NHSL1: variants seen among roughly 807,000 people sequenced by gnomAD.
NHSL1 encodes NHS-like protein 1.
A neutral mutation model predicts 95.0 loss-of-function variants in NHSL1; 48 were observed. That is an observed-to-expected ratio of 0.51 (90% CI 0.40 to 0.64). The LOEUF (loss-of-function observed/expected upper bound fraction) is 0.64, where lower values mean the gene tolerates loss of function less well. Ranked by LOEUF, NHSL1 falls within the 30% of genes least tolerant of loss-of-function variation. NHSL1 has a pLI of 0.00. For synonymous variants in NHSL1, 783 were observed against 833.9 expected, an observed-to-expected ratio of 0.94 and a Z score of 1.05; for missense variants, 1,971 against 2,077.7, an observed-to-expected ratio of 0.95 and a Z score of 1.00.
At chr6:138,512,272 T>C (rs962537964) in intron 1 of NHSL1, 22 of 455,562 alleles carry the variant, frequency 4.8e-5, no homozygotes, top group African/African-American at 4.2e-4. Flanking sequence ...TGAAGAGAGA[T>C]ACTCACCAAC....
At chr6:138,651,331 G>A (rs962379863) in intron 1 of NHSL1, among the ~76,000 whole-genome samples, 2 of 152,068 alleles carry the variant, frequency 1.3e-5, no homozygotes, top group African/African-American at 4.8e-5. Flanking sequence ...CACAAACTGT[G>A]GTATGACAGT....
chr6:138,598,125 A>T (rs34252384), intron 1 of NHSL1, among the ~76,000 whole-genome samples: 27,289 of 151,524 alleles, frequency 0.18, 3,155 homozygotes, highest in East Asian at 0.36. Context: ...CATCTCTACA[A>T]ATAATTGTAG....
chr6:138,464,641 TTG>T (rs1778226876), intron 3 of NHSL1, among the ~76,000 whole-genome samples: 2 of 152,212 alleles, frequency 1.3e-5, no homozygotes, highest in African/African-American at 4.8e-5. Flanking sequence ...CTTGTTTTAA[TTG>T]TGTGTTTTCG....
upstream of NHSL1, among the ~76,000 whole-genome samples, chr6:138,500,707 C>T (rs2128290857): frequency 6.6e-6 from 1 of 151,758 alleles, no homozygotes; most frequent in South Asian, 2.1e-4. Context: ...CTTTTTATGC[C>T]CTTTATTTTT....
chr6:138,595,568 C>T (rs536909388), intron 1 of NHSL1, among the ~76,000 whole-genome samples: 1 of 152,274 alleles, frequency 6.6e-6, no homozygotes, highest in Non-Finnish European at 1.5e-5. Flanking sequence ...CAGAGTGACA[C>T]CCTATCTCTT....
intron 1 of NHSL1, among the ~76,000 whole-genome samples, chr6:138,632,059 A>T (rs1002286702): frequency 6.6e-6 from 1 of 152,194 alleles, no homozygotes; most frequent in Non-Finnish European, 1.5e-5. Context: ...TTGGGCCTTA[A>T]GAGAACATTG....
At chr6:138,663,005 G>A (rs1583470823) in intron 1 of NHSL1, among the ~76,000 whole-genome samples, 1 of 128,684 alleles carries the variant, frequency 7.8e-6, no homozygotes, top group African/African-American at 3.1e-5. Context: ...CCATTTTCAG[G>A]AAATAATAGC....
intron 1 of NHSL1, among the ~76,000 whole-genome samples, chr6:138,565,658 C>T (rs1783586044): frequency 6.6e-6 from 1 of 151,958 alleles, no homozygotes; most frequent in Non-Finnish European, 1.5e-5. Context: ...GGCATGGTGG[C>T]TCAGGCTTAT....
intron 1 of NHSL1, among the ~76,000 whole-genome samples, chr6:138,630,038 C>T (rs1784797217): frequency 6.6e-6 from 1 of 152,134 alleles, no homozygotes; most frequent in South Asian, 2.1e-4. Flanking sequence ...CACAGTGAGA[C>T]CCTGTCTCTA....
intron 2 of NHSL1, 142 bp downstream of exon 2, chr6:138,496,077 G>T: frequency 1.1e-6 from 1 of 915,878 alleles, no homozygotes; most frequent in Non-Finnish European, 1.7e-6. Flanking sequence ...GCATGTATTA[G>T]GTTGTATTTA....
At chr6:138,554,746 T>TA (rs1783133402) in intron 1 of NHSL1, among the ~76,000 whole-genome samples, 1 of 152,238 alleles carries the variant, frequency 6.6e-6, no homozygotes, top group Non-Finnish European at 1.5e-5. Flanking sequence ...CAAAGCTCTG[T>TA]AAAGAACTAT....
chr6:138,502,186 C>G (rs1442337798), upstream of NHSL1, among the ~76,000 whole-genome samples: 2 of 152,120 alleles, frequency 1.3e-5, no homozygotes, highest in Admixed American at 1.3e-4. Flanking sequence ...GGAAATAAAC[C>G]AAATAAACTA....
chr6:138,644,982 A>C (rs1784998274), intron 1 of NHSL1, among the ~76,000 whole-genome samples: 1 of 152,188 alleles, frequency 6.6e-6, no homozygotes, highest in Non-Finnish European at 1.5e-5. Flanking sequence ...CTAAACATCT[A>C]AAAGGCCTCT....
intron 1 of NHSL1, among the ~76,000 whole-genome samples, chr6:138,681,738 C>CT (rs1377022215): frequency 1.3e-5 from 2 of 152,186 alleles, no homozygotes; most frequent in African/African-American, 4.8e-5. Flanking sequence ...ATCGTGGTCT[C>CT]TGAGTCCTCA....
intron 1 of NHSL1, among the ~76,000 whole-genome samples, chr6:138,519,649 T>C (rs1157083955): frequency 6.6e-6 from 1 of 152,164 alleles, no homozygotes; most frequent in East Asian, 1.9e-4. Flanking sequence ...ACAAGCACAG[T>C]GTCTGCAGGT....
chr6:138,427,433 G>C (rs1044995451), intron 7 of NHSL1, among the ~76,000 whole-genome samples: 1 of 150,656 alleles, frequency 6.6e-6, no homozygotes, highest in Non-Finnish European at 1.5e-5. Context: ...GAGTGAGTGA[G>C]ACTCTGTATC....
upstream of NHSL1, among the ~76,000 whole-genome samples, chr6:138,576,814 G>A (rs1018141601): frequency 3.9e-5 from 6 of 152,156 alleles, no homozygotes; most frequent in Non-Finnish European, 7.3e-5. Context: ...CCATGTTTAT[G>A]ATCAATTGCA....
chr6:138,505,034 A>G (rs1460756332), intron 1 of NHSL1, among the ~76,000 whole-genome samples: 1 of 152,192 alleles, frequency 6.6e-6, no homozygotes, highest in Non-Finnish European at 1.5e-5. Flanking sequence ...TATTTTTATG[A>G]AGGCCAAAGA....
At chr6:138,495,424 C>T (rs989787636) in intron 2 of NHSL1, among the ~76,000 whole-genome samples, 1 of 152,226 alleles carries the variant, frequency 6.6e-6, no homozygotes, top group African/African-American at 2.4e-5. Context: ...AACCATTTAG[C>T]ATGTCTTCAA....
Sources: allele counts gnomAD v4.1 joint callset (sites outside exome capture counted in the v4.1 genomes callset), GRCh38; gene constraint gnomAD v4.1.1; transcripts MANE v1.5; gene names NCBI Gene and HGNC (gene_info 2026-07-23, HGNC 2026-07-21).